The following CARMIL1 variants were observed in gnomAD, a reference collection of about 807,000 sequenced individuals.
The protein encoded by CARMIL1 is F-actin-uncapping protein LRRC16A.
In CARMIL1, 90 loss-of-function variants were observed where a neutral mutation model predicts 177.1. The observed-to-expected ratio is 0.51, with a 90% CI of 0.43 to 0.61. CARMIL1 has a LOEUF of 0.61. CARMIL1 is among the 20% of genes least tolerant of loss of function. The pLI is 0.00. For missense variants in CARMIL1, 1,380 were observed against 1,667.0 expected (o/e 0.83, Z 3.00); for synonymous variants, 577 against 606.2 (o/e 0.95, Z 0.71).
In CARMIL1 at chr6:25,362,357, C is replaced by T. The variant is rs182449340; in HGVS notation, c.139-57757C>T. Among the ~76,000 whole-genome samples the T allele has an allele frequency of 1.7e-3, 265 of 152,352 alleles. 1 individual carries two copies. The highest frequency in any genetic ancestry group is 5.9e-3 in the African/African-American group (245 of 41,582). Reference sequence around the variant, plus strand: ...TGAATCCAATTCAGCAAACATTTATCGAAGACCAGCTATGTATAGTTAAAA... The same window carrying T: ...TGAATCCAATTCAGCAAACATTTATTGAAGACCAGCTATGTATAGTTAAAA... On this transcript the variant is annotated intron_variant, in intron 2 of 36. Transcript: ENST00000329474.
intron 17 of CARMIL1, among the ~76,000 whole-genome samples, chr6:25,508,254 T>C (rs7758527): frequency 0.44 from 66,345 of 151,976 alleles, 14,861 homozygotes; most frequent in Middle Eastern, 0.52. Context: ...GCAGTCAGTC[T>C]TGACAATAGC....
intron 24 of CARMIL1, among the ~76,000 whole-genome samples, chr6:25,532,531 G>C (rs1807873339): frequency 6.6e-6 from 1 of 152,180 alleles, no homozygotes; most frequent in African/African-American, 2.4e-5. Context: ...GATTTACCTT[G>C]AAGATTGCAG....
At chr6:25,295,265 G>A (rs985251974) in intron 2 of CARMIL1, among the ~76,000 whole-genome samples, 23 of 151,996 alleles carry the variant, frequency 1.5e-4, no homozygotes, top group African/African-American at 5.3e-4. Context: ...CTATTTTGTG[G>A]TATACTTTTA....
intron 2 of CARMIL1, among the ~76,000 whole-genome samples, chr6:25,351,056 A>G (rs1788062216): frequency 6.6e-6 from 1 of 152,112 alleles, no homozygotes; most frequent in Admixed American, 6.5e-5. Context: ...GAGATTATTA[A>G]AGGGGTGTTG....
chr6:25,501,127 T>G (rs1335755436), intron 17 of CARMIL1, among the ~76,000 whole-genome samples: 2 of 152,156 alleles, frequency 1.3e-5, no homozygotes, highest in Non-Finnish European at 2.9e-5. Flanking sequence ...TTTGTGTGAC[T>G]AGTAAGAAAA....
At chr6:25,519,200 C>G (rs917600182) in intron 22 of CARMIL1, among the ~76,000 whole-genome samples, 2 of 152,176 alleles carry the variant, frequency 1.3e-5, no homozygotes, top group African/African-American at 2.4e-5. Flanking sequence ...GGCTGAGAAG[C>G]ACACGTGAGT....
At chr6:25,484,045 A>G (rs145541243) in intron 12 of CARMIL1, among the ~76,000 whole-genome samples, 15 of 152,320 alleles carry the variant, frequency 9.8e-5, no homozygotes, top group African/African-American at 3.4e-4. Context: ...TGCATGAGCT[A>G]CTGAGCCTGG....
At chr6:25,459,277 T>TCTTTCTC (rs1450322009) in intron 8 of CARMIL1, among the ~76,000 whole-genome samples, 1 of 139,680 alleles carries the variant, frequency 7.2e-6, no homozygotes, top group African/African-American at 2.6e-5. Flanking sequence ...TTTTTTTTTT[T>TCTTTCTC]TTTAAGACAG....
chr6:25,375,588 A>T lies in CARMIL1; in HGVS notation c.139-44526A>T, dbSNP rs542868729. Among the ~76,000 whole-genome samples the T allele has an allele frequency of 3.3e-5, 5 of 152,238 alleles. No individual in the cohort carries two copies. In the East Asian group the frequency reaches 9.6e-4, roughly 29 times the overall value. On this transcript the variant is annotated intron_variant, in intron 2 of 36. Coordinates refer to ENST00000329474, the MANE Select transcript of CARMIL1 (RefSeq NM_017640.6). ...CTATTTTCTCAAATAAGTTTCCCAA[A>T]TTTTTTGCTTTCTCTTCTCCTTCAG... is the stretch of plus-strand genomic sequence containing the variant.
chr6:25,383,997 C>T lies in CARMIL1; in HGVS notation c.139-36117C>T, dbSNP rs188460220. ...TGGGATTACAGGCATTTGCCACCAT[C>T]CCCGGGTAATTTTTGTATTTTTAGT... On this transcript the variant is annotated intron_variant, in intron 2 of 36. Transcript: ENST00000329474. Among the ~76,000 whole-genome samples, 11 of 152,228 alleles carry T rather than the reference C, an allele frequency of 7.2e-5. No individual in the cohort carries two copies. In the East Asian group the frequency reaches 1.9e-3, roughly 27 times the overall value.
intron 23 of CARMIL1, among the ~76,000 whole-genome samples, chr6:25,525,352 C>T (rs919310385): frequency 3.3e-5 from 5 of 152,064 alleles, no homozygotes; most frequent in Non-Finnish European, 5.9e-5. Flanking sequence ...ATGCAAAAAA[C>T]CCCCAGCAGC....
rs916282980 is a variant in CARMIL1, at chr6:25,572,496, T to A, written c.2743-8428T>A. On this transcript the variant is annotated intron_variant, in intron 29 of 36. Transcript: ENST00000329474. The stretch of plus-strand genomic sequence containing the variant: ...CAGGAGGATTGCTTGAGCTCAGGAA[T>A]TGGAGACCAGCCTGGGCAACAAGGC... Among the ~76,000 whole-genome samples, 3 of 151,822 alleles carry A rather than the reference T, an allele frequency of 2.0e-5. No individual in the cohort carries two copies. In the East Asian group the frequency reaches 5.8e-4, roughly 29 times the overall value.
At chr6:25,301,979 A>G (rs148204769) in intron 2 of CARMIL1, among the ~76,000 whole-genome samples, 4,259 of 152,256 alleles carry the variant, frequency 0.028, 73 homozygotes, top group Non-Finnish European at 0.038. Flanking sequence ...TTCCTGTTAG[A>G]GCCTCTGGGT....
At chr6:25,540,153 T>G in intron 26 of CARMIL1, 75 bp downstream of exon 26, 1 of 1,366,926 alleles carries the variant, frequency 7.3e-7, no homozygotes, top group East Asian at 2.5e-5. Context: ...ATTCCATAGC[T>G]ATCTATGTTT....
rs992421064 is a variant in CARMIL1, at chr6:25,480,195, C to G, written c.875-2062C>G. On this transcript the variant is annotated intron_variant, in intron 11 of 36. Coordinates refer to ENST00000329474, the MANE Select transcript of CARMIL1 (RefSeq NM_017640.6). ...CAGTTATATCTTTTTTCATTATGAT[C>G]TTGATATTTTCTATATCTTTACTGA... 3.3e-5 allele frequency among the ~76,000 whole-genome samples: 5 copies of G among 152,112 alleles called. No individual in the cohort carries two copies. In the East Asian group the frequency reaches 7.7e-4, roughly 23 times the overall value.
chr6:25,285,974 C>T (rs1226699418), intron 2 of CARMIL1, among the ~76,000 whole-genome samples: 7 of 152,174 alleles, frequency 4.6e-5, no homozygotes, highest in South Asian at 4.1e-4. Context: ...CAGGCTCAAG[C>T]GATCCTCCCA....
intron 2 of CARMIL1, among the ~76,000 whole-genome samples, chr6:25,402,596 A>AT (rs1158873223): frequency 5.3e-5 from 8 of 152,066 alleles, no homozygotes; most frequent in African/African-American, 1.7e-4. Flanking sequence ...CTGTGTAGTG[A>AT]TTTTTTCTTC....
intron 9 of CARMIL1, among the ~76,000 whole-genome samples, chr6:25,469,585 TCTCA>T (rs1480956227): frequency 6.6e-6 from 1 of 152,048 alleles, no homozygotes; most frequent in Non-Finnish European, 1.5e-5. Flanking sequence ...TGAAACGGGG[TCTCA>T]CTCTGTGGCC....
chr6:25,528,971 G>C (rs1373050107), intron 24 of CARMIL1, 78 bp downstream of exon 24: 6 of 1,110,312 alleles, frequency 5.4e-6, no homozygotes, highest in Admixed American at 2.4e-5. Context: ...TAGCATTCGA[G>C]TAATTTCCAA....
Sources: gnomAD v4.1 joint callset for allele counts (sites outside exome capture counted in the v4.1 genomes callset) on GRCh38, gnomAD v4.1.1 for gene constraint, MANE v1.5 for transcripts, NCBI Gene and HGNC (gene_info 2026-07-23, HGNC 2026-07-21) for gene names.